Variants in CNIH3 observed in about 807,000 individuals in gnomAD.
CNIH3 encodes the protein cornichon family AMPA receptor auxiliary protein 3.
In CNIH3, 14 loss-of-function variants were observed where a neutral mutation model predicts 24.1. The ratio of observed to expected loss-of-function variants is 0.58; its 90% CI spans 0.38 to 0.91. The LOEUF is 0.91. Ranked by LOEUF, CNIH3 falls within the 40% of genes least tolerant of loss-of-function variation. CNIH3 has a pLI of 0.00. For missense variants in CNIH3, 178 were observed against 196.8 expected, an observed-to-expected ratio of 0.90 and a Z score of 0.57; for synonymous variants, 68 against 73.8, an observed-to-expected ratio of 0.92 and a Z score of 0.40.
chr1:224,503,926 C>T (rs1300220194), intron 1 of CNIH3, among the ~76,000 whole-genome samples: 2 of 152,192 alleles, frequency 1.3e-5, no homozygotes, highest in Non-Finnish European at 2.9e-5. Context: ...ACAGAGACGC[C>T]CTCAGGCCTG....
chr1:224,483,957 A>G (rs560255730), intron 1 of CNIH3, among the ~76,000 whole-genome samples: 241 of 152,148 alleles, frequency 1.6e-3, no homozygotes, highest in African/African-American at 5.7e-3. Flanking sequence ...GATCCCCTGA[A>G]ATCAGGAGTT....
chr1:224,507,250 C>T (rs936727186), intron 1 of CNIH3, among the ~76,000 whole-genome samples: 3 of 152,206 alleles, frequency 2.0e-5, no homozygotes, highest in South Asian at 2.1e-4. Context: ...CAGAAAAGAG[C>T]GGTGCACGAG....
At chr1:224,492,544 TG>T (rs1558104930) in intron 1 of CNIH3, among the ~76,000 whole-genome samples, 1 of 152,252 alleles carries the variant, frequency 6.6e-6, no homozygotes, top group African/African-American at 2.4e-5. Flanking sequence ...GCCATGGTTT[TG>T]GGTAGTTTAT....
At chr1:224,551,589 C>T (rs1257174042) in intron 3 of CNIH3, among the ~76,000 whole-genome samples, 8 of 151,830 alleles carry the variant, frequency 5.3e-5, no homozygotes, top group African/African-American at 9.7e-5. Flanking sequence ...ATCAAAGTGA[C>T]GTTATTTCAT....
intron 1 of CNIH3, among the ~76,000 whole-genome samples, chr1:224,634,843 C>T (rs1684009739): frequency 6.6e-6 from 1 of 152,146 alleles, no homozygotes; most frequent in Non-Finnish European, 1.5e-5. Context: ...TCGGCCCTAC[C>T]TGCACCACTT....
At chr1:224,585,393 A>G (rs1681456707) in intron 5 of CNIH3, among the ~76,000 whole-genome samples, 1 of 152,118 alleles carries the variant, frequency 6.6e-6, no homozygotes, top group South Asian at 2.1e-4. Flanking sequence ...TCTTCAAGGG[A>G]CCACATGTGT....
At chr1:224,482,367 TCC>T (rs1450993279) in intron 1 of CNIH3, among the ~76,000 whole-genome samples, 1 of 152,028 alleles carries the variant, frequency 6.6e-6, no homozygotes, top group African/African-American at 2.4e-5. Flanking sequence ...AGCCAGCATG[TCC>T]GAGTCTAACC....
intron 3 of CNIH3, among the ~76,000 whole-genome samples, chr1:224,607,964 G>C (rs1486086547): frequency 6.6e-6 from 1 of 152,180 alleles, no homozygotes; most frequent in African/African-American, 2.4e-5. Context: ...TTACATGCAA[G>C]AAAAGGGTTA....
intron 2 of CNIH3, among the ~76,000 whole-genome samples, chr1:224,523,648 G>A (rs1450267745): frequency 6.6e-6 from 1 of 152,196 alleles, no homozygotes; most frequent in African/African-American, 2.4e-5. Context: ...ACTTTGTGAT[G>A]ATGTGTGTGG....
At chr1:224,443,192 G>A (rs1674993368) in intron 1 of CNIH3, among the ~76,000 whole-genome samples, 1 of 152,162 alleles carries the variant, frequency 6.6e-6, no homozygotes, top group Non-Finnish European at 1.5e-5. Flanking sequence ...AAATGGCAAA[G>A]GAAGGCAAGA....
At chr1:224,629,523 T>C (rs750761357) in intron 1 of CNIH3, among the ~76,000 whole-genome samples, 11 of 152,148 alleles carry the variant, frequency 7.2e-5, no homozygotes, top group Non-Finnish European at 1.6e-4. Flanking sequence ...ATGGATAGAC[T>C]GCATTTTGTT....
chr1:224,722,108 C>A (rs1000286228), intron 3 of CNIH3, among the ~76,000 whole-genome samples: 1 of 152,064 alleles, frequency 6.6e-6, no homozygotes, highest in Non-Finnish European at 1.5e-5. Flanking sequence ...GGGAGAAGAC[C>A]CACAGCCTCT....
exon 6 of CNIH3, chr1:224,588,479 T>TCCAAGCAC (rs1227320434): frequency 6.6e-6 from 1 of 152,118 alleles, no homozygotes; most frequent in Non-Finnish European, 1.5e-5. Context: ...AATTCCCATT[T>TCCAAGCAC]AAGATCTTTC....
At chr1:224,603,164 A>G (rs1298230881) in intron 3 of CNIH3, among the ~76,000 whole-genome samples, 42 of 125,834 alleles carry the variant, frequency 3.3e-4, no homozygotes, top group Non-Finnish European at 3.3e-5. Flanking sequence ...ATAGTCCATT[A>G]TGTATTTGTC....
chr1:224,443,691 A>G (rs1394497064), intron 1 of CNIH3, among the ~76,000 whole-genome samples: 2 of 98,646 alleles, frequency 2.0e-5, no homozygotes, highest in Non-Finnish European at 4.0e-5. Flanking sequence ...AGATATCTAT[A>G]GATATAGATA....
chr1:224,530,485 G>C (rs1367218502), intron 2 of CNIH3, among the ~76,000 whole-genome samples: 1 of 152,194 alleles, frequency 6.6e-6, no homozygotes, highest in Non-Finnish European at 1.5e-5. Context: ...AGCCTGTGAA[G>C]TGGGGATTAG....
chr1:224,596,591 T>C (rs1296910429), intron 3 of CNIH3, among the ~76,000 whole-genome samples: 1 of 152,232 alleles, frequency 6.6e-6, no homozygotes, highest in Admixed American at 6.5e-5. Context: ...AGGTAATGGC[T>C]GCCATAGATA....
chr1:224,610,471 CTT>C (rs1416799391), intron 3 of CNIH3, among the ~76,000 whole-genome samples: 1 of 152,204 alleles, frequency 6.6e-6, no homozygotes, highest in Non-Finnish European at 1.5e-5. Context: ...CTCTCTCTCT[CTT>C]TCTCTCTCCT....
At chr1:224,557,474 C>T (rs935603457) in intron 3 of CNIH3, among the ~76,000 whole-genome samples, 3 of 151,994 alleles carry the variant, frequency 2.0e-5, no homozygotes, top group Admixed American at 6.5e-5. Flanking sequence ...TCAACCAGTT[C>T]TTTTTATTTT....
Sources: gnomAD v4.1 joint callset for allele counts (sites outside exome capture counted in the v4.1 genomes callset) on GRCh38, gnomAD v4.1.1 for gene constraint, MANE v1.5 for transcripts, NCBI Gene and HGNC (gene_info 2026-07-23, HGNC 2026-07-21) for gene names.